SPIRE1: variants seen among roughly 807,000 people sequenced by gnomAD.
SPIRE1 encodes spire type actin nucleation factor 1.
Under a neutral mutation model 94.1 loss-of-function variants are expected in SPIRE1, and 40 were observed. The ratio of observed to expected loss-of-function variants is 0.43; its 90% CI spans 0.33 to 0.55. The LOEUF (loss-of-function observed/expected upper bound fraction) is 0.55, where lower values mean the gene tolerates loss of function less well. Among genes scored for constraint, SPIRE1 ranks in the 20% least tolerant of loss-of-function variants. SPIRE1 has a pLI of 0.06. For synonymous variants in SPIRE1, 376 were observed against 371.7 expected (o/e 1.01, Z -0.13); for missense variants, 838 against 975.2 (o/e 0.86, Z 1.87).
At chr18:12,619,954 G>T (rs949729191) in intron 2 of SPIRE1, among the ~76,000 whole-genome samples, 3 of 151,658 alleles carry the variant, frequency 2.0e-5, no homozygotes, top group Non-Finnish European at 4.4e-5. Context: ...AAAATCCTAA[G>T]GAATCTACTG....
intron 1 of SPIRE1, among the ~76,000 whole-genome samples, chr18:12,655,293 AGAAG>A (rs1413610063): frequency 2.0e-5 from 3 of 152,134 alleles, no homozygotes; most frequent in South Asian, 2.1e-4. Context: ...AGCGAAAGAA[AGAAG>A]GAAGGAATAG....
At chr18:12,474,144 A>G (rs75472309) in intron 10 of SPIRE1, among the ~76,000 whole-genome samples, 1,977 of 152,356 alleles carry the variant, frequency 0.013, 19 homozygotes, top group Non-Finnish European at 0.021. Context: ...AGCATTTCCT[A>G]TATCAAGAGT....
At chr18:12,466,978 G>A (rs1266724914) in intron 10 of SPIRE1, among the ~76,000 whole-genome samples, 1 of 152,102 alleles carries the variant, frequency 6.6e-6, no homozygotes, top group Non-Finnish European at 1.5e-5. Flanking sequence ...AAACGACATA[G>A]TTCAAACAAA....
intron 13 of SPIRE1, 22 bp downstream of exon 13, chr18:12,454,324 A>T (rs1420867385): frequency 6.2e-7 from 1 of 1,613,814 alleles, no homozygotes. Flanking sequence ...TCTTCTGATC[A>T]ATCAACTTTA....
chr18:12,482,721 T>C (rs1277471137), intron 9 of SPIRE1, among the ~76,000 whole-genome samples: 1 of 152,176 alleles, frequency 6.6e-6, no homozygotes, highest in East Asian at 1.9e-4. Context: ...AATTGTCCAA[T>C]AGCTCTGTAA....
intron 2 of SPIRE1, among the ~76,000 whole-genome samples, chr18:12,634,356 C>A (rs892109739): frequency 2.0e-5 from 3 of 151,442 alleles, no homozygotes; most frequent in Admixed American, 2.0e-4. Context: ...TTTCTAAGTC[C>A]CTATTTTTTC....
Position 12,657,548 on chromosome 18 carries a change from C to A in SPIRE1, c.319G>T (p.Glu107Ter). ...TLAPAADDAG[E>*]PPPVAGKLGY... ...GCCTCACCCGCAACTGGGGGCGGCT[C>A]TCCCGCGTCGTCGGCCGCGGGCGCC... is the stretch of plus-strand genomic sequence containing the variant. The change falls in exon 1 of 17, where the codon GAG becomes TAG. Residue 107 changes from glutamate to a stop codon, truncating the protein, a stop_gained. Transcript: ENST00000409402. LOFTEE classifies it high-confidence loss of function. 8.1e-7 allele frequency: 1 copy of A among 1,236,062 alleles called. No homozygotes were observed. Among genetic ancestry groups the A allele is most frequent in the African/African-American group, 1.6e-5 (1 of 64,138 alleles). 76.6% of individuals were successfully genotyped at this position (1,236,062 alleles called of 1,614,324 possible). A position where few individuals can be genotyped will look rare whatever the true frequency, so the allele number is the denominator to read the frequency against.
At chr18:12,643,620 C>G (rs1478998271) in intron 1 of SPIRE1, among the ~76,000 whole-genome samples, 1 of 152,174 alleles carries the variant, frequency 6.6e-6, no homozygotes, top group Admixed American at 6.5e-5. Flanking sequence ...GCCATATCCA[C>G]TTACCCAAAT....
At chr18:12,500,988 C>T (rs2033637445) in intron 6 of SPIRE1, among the ~76,000 whole-genome samples, 1 of 143,276 alleles carries the variant, frequency 7.0e-6, no homozygotes, top group Non-Finnish European at 1.5e-5. Flanking sequence ...AGGAGAATGG[C>T]TTGAACCCTG....
intron 4 of SPIRE1, among the ~76,000 whole-genome samples, chr18:12,517,622 A>G (rs1451406740): frequency 1.3e-5 from 2 of 152,196 alleles, no homozygotes; most frequent in African/African-American, 4.8e-5. Flanking sequence ...GAGAACCCAC[A>G]TGGCAATTAC....
intron 2 of SPIRE1, among the ~76,000 whole-genome samples, chr18:12,575,357 C>T (rs535504980): frequency 6.6e-6 from 1 of 151,906 alleles, no homozygotes; most frequent in East Asian, 1.9e-4. Flanking sequence ...AAATCTTCCC[C>T]TGAATATTTA....
At chr18:12,630,219 TAA>T (rs1215530142) in intron 2 of SPIRE1, among the ~76,000 whole-genome samples, 1 of 152,212 alleles carries the variant, frequency 6.6e-6, no homozygotes, top group Non-Finnish European at 1.5e-5. Flanking sequence ...CCCAGAGAGA[TAA>T]AGAGATTTTG....
chr18:12,450,983 G>T, intron 16 of SPIRE1: 2 of 584,934 alleles, frequency 3.4e-6, no homozygotes, highest in African/African-American at 1.9e-5. Flanking sequence ...GAAAAAGGTG[G>T]AAGAGGAAGA....
At chr18:12,622,405 C>T (rs988431536) in intron 2 of SPIRE1, among the ~76,000 whole-genome samples, 3 of 148,838 alleles carry the variant, frequency 2.0e-5, no homozygotes, top group East Asian at 2.0e-4. Context: ...GAAGGGAAAA[C>T]GGAGCTATGT....
chr18:12,655,380 A>T (rs2038511954), intron 1 of SPIRE1, among the ~76,000 whole-genome samples: 1 of 152,248 alleles, frequency 6.6e-6, no homozygotes, highest in Non-Finnish European at 1.5e-5. Context: ...AGAAGACTGT[A>T]TCTTCCTGAG....
chr18:12,509,332 C>T (rs561750811), intron 5 of SPIRE1, among the ~76,000 whole-genome samples: 2 of 152,228 alleles, frequency 1.3e-5, no homozygotes, highest in East Asian at 1.9e-4. Context: ...ATGAAGGTGG[C>T]TTATAGTAAG....
intron 4 of SPIRE1, among the ~76,000 whole-genome samples, chr18:12,531,033 C>T (rs981584979): frequency 6.6e-6 from 1 of 152,128 alleles, no homozygotes; most frequent in African/African-American, 2.4e-5. Context: ...TTCTATGATA[C>T]TCTATCTTTT....
intron 10 of SPIRE1, among the ~76,000 whole-genome samples, chr18:12,478,429 GGTGT>G (rs1244951540): frequency 1.4e-4 from 21 of 151,050 alleles, no homozygotes; most frequent in African/African-American, 4.4e-4. Flanking sequence ...GTGAAGCGAG[GGTGT>G]GTATGTGTGT....
Position 12,657,596 on chromosome 18 carries a change from A to G in SPIRE1, c.271T>C (p.Trp91Arg). 7.9e-7 allele frequency: 1 copy of G among 1,266,846 alleles called. No individual in the cohort carries two copies. Among genetic ancestry groups the G allele is most frequent in the Non-Finnish European group, 9.9e-7 (1 of 1,010,168 alleles). The allele number at this position is 1,266,846 out of a possible 1,614,324, so 78.5% of individuals were successfully genotyped here. A position where few individuals can be genotyped will look rare whatever the true frequency, so the allele number is the denominator to read the frequency against. Residue 91 changes from tryptophan to arginine, a missense_variant, in exon 1 of 17, where the codon TGG (tryptophan) becomes CGG (arginine). Physicochemically the swap from Trp to Arg is moderately radical, Grantham distance 101. Coordinates refer to ENST00000409402, the MANE Select transcript of SPIRE1 (RefSeq NM_001128626.2). ...GCCAGGGTGACGGCGCCGTCCCTCC[A>G]GACGCGGATCTGCGCGGCCGAGCGC... The part of the protein sequence containing the change: ...RVRSAAQIRV[W>R]RDGAVTLAPA...
Sources: gnomAD v4.1 joint callset for allele counts (sites outside exome capture counted in the v4.1 genomes callset) on GRCh38, gnomAD v4.1.1 for gene constraint, MANE v1.5 for transcripts, NCBI Gene and HGNC (gene_info 2026-07-23, HGNC 2026-07-21) for gene names.